Variants in SPPL2B observed in about 807,000 individuals in gnomAD.
SPPL2B encodes the protein signal peptide peptidase-like 2B.
Under a neutral mutation model 59.7 loss-of-function variants are expected in SPPL2B, and 39 were observed. The ratio of observed to expected loss-of-function variants is 0.65; its 90% CI spans 0.51 to 0.85. The LOEUF (loss-of-function observed/expected upper bound fraction) is 0.85. SPPL2B is among the 40% of genes least tolerant of loss of function. The pLI, the probability that SPPL2B is intolerant of heterozygous loss-of-function variation, is 0.00. For missense variants in SPPL2B, 865 were observed against 849.0 expected (o/e 1.02, Z -0.23); for synonymous variants, 419 against 370.8 (o/e 1.13, Z -1.49).
At chr19:2,336,792 G>GGT (rs3044122) in intron 2 of SPPL2B, among the ~76,000 whole-genome samples, 9,761 of 147,942 alleles carry the variant, frequency 0.066, 1,083 homozygotes, top group African/African-American at 0.23. Flanking sequence ...CCTGGCTGTG[G>GGT]GTGTGTGTGT....
At chr19:2,335,224 T>C in intron 2 of SPPL2B, among the ~76,000 whole-genome samples, 1 of 118,228 alleles carries the variant, frequency 8.5e-6, no homozygotes, top group East Asian at 2.9e-4. Context: ...TTCCACTGCA[T>C]CCTTCAGGCC....
rs763872225 is a variant in SPPL2B at position 2,353,029 on chromosome 19, G to T, written c.1599G>T (p.Pro533=). The T allele has an allele frequency of 6.2e-7, 1 of 1,611,956 alleles. No individual in the cohort carries two copies. Among genetic ancestry groups the T allele is most frequent in the South Asian group, 1.1e-5 (1 of 91,046 alleles). ...AAGACTCTGCCACGCCACTCTCCCC[G>T]CAGCCGCCCAGCGAAGAACCAGCCA... is the stretch of plus-strand genomic sequence containing the variant. ...PPKDSATPLS[P]QPPSEEPATS... The change falls in exon 15 of 15, where the codon CCG becomes CCT. Residue 533 remains proline, a synonymous_variant. Coordinates refer to ENST00000613503, the MANE Select transcript of SPPL2B (RefSeq NM_152988.3).
At chr19:2,350,378 CA>C (rs1969854140) in intron 13 of SPPL2B, among the ~76,000 whole-genome samples, 1 of 150,682 alleles carries the variant, frequency 6.6e-6, no homozygotes, top group Non-Finnish European at 1.5e-5. Context: ...TCTCTCTCCA[CA>C]CACACTCGCG....
chr19:2,339,693 C>T lies in SPPL2B; in HGVS notation c.600-131C>T, dbSNP rs962527201. On this transcript the variant is annotated intron_variant, in intron 5 of 14. Coordinates refer to ENST00000613503, the MANE Select transcript of SPPL2B (RefSeq NM_152988.3). ...TGGGGACGTTCGGGGCGGTTCCTTG[C>T]ACTTCAGTCCCCCCCGGGTCCCCTC... 3.3e-4 allele frequency: 352 copies of T among 1,064,510 alleles called. 2 individuals are homozygous for T. The highest frequency in any genetic ancestry group is 4.4e-4 in the Non-Finnish European group (323 of 733,880). The allele number at this position is 1,064,510 out of a possible 1,614,324, so 65.9% of individuals were successfully genotyped here. A position where few individuals can be genotyped will look rare whatever the true frequency, so the allele number is the denominator to read the frequency against.
intron 8 of SPPL2B, chr19:2,341,463 CT>C (rs1348289193): frequency 2.2e-5 from 10 of 447,090 alleles, no homozygotes; most frequent in African/African-American, 1.4e-4. Context: ...GGGGCAGGCA[CT>C]GCTCCCCCCA....
chr19:2,344,394 T>G lies in SPPL2B; in HGVS notation c.1146T>G (p.Thr382=), dbSNP rs943813640. 4.3e-6 allele frequency: 6 copies of G among 1,404,568 alleles called. No individual in the cohort carries two copies. The highest frequency in any genetic ancestry group is 4.7e-6 in the Non-Finnish European group (5 of 1,056,618). The allele number at this position is 1,404,568 out of a possible 1,614,324, so 87.0% of individuals were successfully genotyped here. ...GCAGCATCATGGTGGAGGTGGCCACTGGGCCCTCGGACTCAGCCACCCGTG... is the reference window on the plus strand; with the variant it reads ...GCAGCATCATGGTGGAGGTGGCCACGGGGCCCTCGGACTCAGCCACCCGTG... The part of the protein sequence containing the change: ...SGSSIMVEVA[T]GPSDSATREK... Residue 382 remains threonine, a synonymous_variant, in exon 11 of 15, where the codon ACT becomes ACG. Coordinates refer to ENST00000613503, the MANE Select transcript of SPPL2B (RefSeq NM_152988.3).
chr19:2,339,794 G>A, intron 5 of SPPL2B, 30 bp from the exon 6 acceptor site: 5 of 1,595,648 alleles, frequency 3.1e-6, no homozygotes, highest in Non-Finnish European at 4.3e-6. Context: ...GCCGGCCCCA[G>A]GGCCCCACGA....
chr19:2,343,589 G>C (rs895628633), intron 9 of SPPL2B, among the ~76,000 whole-genome samples: 1 of 152,104 alleles, frequency 6.6e-6, no homozygotes, highest in African/African-American at 2.4e-5. Context: ...AGGTGGTACC[G>C]GGAGTGCGGG....
intron 8 of SPPL2B, 26 bp from the exon 9 acceptor site, chr19:2,343,185 G>A (rs764249728): frequency 3.2e-5 from 49 of 1,547,598 alleles, no homozygotes; most frequent in African/African-American, 2.6e-4. Flanking sequence ...CCTCTGCCCC[G>A]GCGAGGATGC....
intron 2 of SPPL2B, among the ~76,000 whole-genome samples, chr19:2,335,798 A>G (rs773013147): frequency 2.0e-5 from 3 of 152,108 alleles, no homozygotes; most frequent in Non-Finnish European, 4.4e-5. Context: ...CCCCTCCTGG[A>G]GCCCTCGAGG....
rs762561500 is a variant in SPPL2B, at chr19:2,334,705, A to T, written c.170A>T (p.His57Leu). 6.2e-7 allele frequency: 1 copy of T among 1,609,192 alleles called. No homozygotes were observed. The highest frequency in any genetic ancestry group is 8.5e-7 in the Non-Finnish European group (1 of 1,177,582). ...LYNPQWAHLP[H>L]DLSKASFLQL... ...AACCCGCAGTGGGCCCATCTTCCGC[A>T]CGACCTCAGCAAGGCAGTGAGTACC... Residue 57 changes from histidine (H) to leucine (L), a missense_variant, in exon 2 of 15, where the codon CAC becomes CTC. Coordinates refer to ENST00000613503, the MANE Select transcript of SPPL2B (RefSeq NM_152988.3).
chr19:2,353,481 C>G lies in SPPL2B; in HGVS notation c.*272C>G. 2 of 502,240 alleles carry G rather than the reference C, an allele frequency of 4.0e-6. No individual in the cohort carries two copies. The highest frequency in any genetic ancestry group is 7.0e-6 in the Non-Finnish European group (2 of 284,700). The allele number at this position is 502,240 out of a possible 1,614,324, so 31.1% of individuals were successfully genotyped here. A position where few individuals can be genotyped will look rare whatever the true frequency, so the allele number is the denominator to read the frequency against. On this transcript the variant is annotated 3_prime_UTR_variant, in exon 15 of 15. Transcript: ENST00000613503. ...CATCCTCCCCACCGGGGTCCGTCCTCGCAGGCCCTGCCCGGCCTCTCTGCA... is the reference window on the plus strand; with the variant it reads ...CATCCTCCCCACCGGGGTCCGTCCTGGCAGGCCCTGCCCGGCCTCTCTGCA...
At chr19:2,330,226 G>A (rs1447358764) in intron 1 of SPPL2B, 3 of 150,960 alleles carry the variant, frequency 2.0e-5, no homozygotes, top group African/African-American at 7.3e-5. Flanking sequence ...TCCCACCTCA[G>A]CCTCCCGAAT....
At chr19:2,333,989 C>G (rs533810317) in intron 1 of SPPL2B, among the ~76,000 whole-genome samples, 1 of 152,242 alleles carries the variant, frequency 6.6e-6, no homozygotes, top group East Asian at 1.9e-4. Flanking sequence ...CCTTGGCCCA[C>G]CTGCTTCCTG....
intron 8 of SPPL2B, chr19:2,341,316 A>C: frequency 3.4e-6 from 2 of 585,234 alleles, no homozygotes; most frequent in South Asian, 3.0e-5. Context: ...ATCGCTGCCC[A>C]GGGCCACAGT....
In SPPL2B at chr19:2,344,350, C is replaced by A. The variant is rs1227831751; in HGVS notation, c.1114-12C>A. 10 of 1,539,534 alleles carry A rather than the reference C, an allele frequency of 6.5e-6. No homozygotes were observed. The highest frequency in any genetic ancestry group is 7.9e-6 in the Non-Finnish European group (9 of 1,142,382). On this transcript the variant is annotated splice_polypyrimidine_tract_variant and intron_variant, in intron 10 of 14. Coordinates refer to ENST00000613503, the MANE Select transcript of SPPL2B (RefSeq NM_152988.3). ...ATCACCACGCTCCCTCACTCAACCC[C>A]ATTCTGTGCAGAGTGGGAGCAGCAT...
At chr19:2,341,268 C>T (rs1396122498) in intron 8 of SPPL2B, 2 of 654,490 alleles carry the variant, frequency 3.1e-6, no homozygotes, top group South Asian at 3.0e-5. Flanking sequence ...TGGCCAGGAG[C>T]CACGTCCTCC....
At chr19:2,343,042 A>AGGGGTCCTCCCACAGGTCT (rs1448505475) in intron 8 of SPPL2B, 169 bp from the exon 9 acceptor site, 18 of 618,930 alleles carry the variant, frequency 2.9e-5, no homozygotes, top group Non-Finnish European at 5.3e-5. Context: ...TTGTAACAGC[A>AGGGGTCCTCCCACAGGTCT]GGGGTCCTCC....
chr19:2,337,019 T>G (rs959127086), intron 2 of SPPL2B: 1 of 167,818 alleles, frequency 6.0e-6, no homozygotes, highest in Non-Finnish European at 1.3e-5. Context: ...CGTGTGCGTG[T>G]GTGTGTGCGT....
Sources: allele counts gnomAD v4.1 joint callset (sites outside exome capture counted in the v4.1 genomes callset), GRCh38; gene constraint gnomAD v4.1.1; transcripts MANE v1.5; gene names NCBI Gene and HGNC (gene_info 2026-07-23, HGNC 2026-07-21).